The following TMEM117 variants were observed in gnomAD, a reference collection of about 807,000 sequenced individuals.
TMEM117 encodes transmembrane protein 117.
Under a neutral mutation model 52.4 loss-of-function variants are expected in TMEM117, and 27 were observed. That is an observed-to-expected ratio of 0.51 (90% CI 0.38 to 0.71). The LOEUF (loss-of-function observed/expected upper bound fraction) is 0.71. TMEM117 is among the 30% of genes least tolerant of loss of function. TMEM117 has a pLI of 0.00. For synonymous variants in TMEM117, 215 were observed against 206.3 expected, an observed-to-expected ratio of 1.04 and a Z score of -0.36; for missense variants, 556 against 630.5, an observed-to-expected ratio of 0.88 and a Z score of 1.26.
At chr12:44,182,731 A>G (rs564571073) in intron 4 of TMEM117, among the ~76,000 whole-genome samples, 2 of 152,278 alleles carry the variant, frequency 1.3e-5, no homozygotes, top group South Asian at 2.1e-4. Flanking sequence ...TGCCATATCT[A>G]GAGTTAACCT....
At position 44,370,225 on chromosome 12, in the gene TMEM117, A is replaced by T. The variant is rs542698963; in HGVS notation, c.769-6370A>T. On this transcript the variant is annotated intron_variant, in intron 6 of 7. Coordinates refer to ENST00000266534, the MANE Select transcript of TMEM117 (RefSeq NM_032256.3). The stretch of plus-strand genomic sequence containing the variant: ...AACATTTTTAATCAACTCTCCAAAC[A>T]TTTACTGCCTCTTCTCACAATATTT... 9.2e-5 allele frequency among the ~76,000 whole-genome samples: 14 copies of T among 152,240 alleles called. No homozygotes were observed. The South Asian group carries it at 2.7e-3, about 29-fold the overall frequency.
intron 2 of TMEM117, among the ~76,000 whole-genome samples, chr12:43,936,402 A>G (rs1272454211): frequency 6.6e-6 from 1 of 152,144 alleles, no homozygotes; most frequent in African/African-American, 2.4e-5. Flanking sequence ...GTTTTTGTCT[A>G]CTGAGTTTGA....
At chr12:44,003,701 A>G (rs573370526) in intron 3 of TMEM117, among the ~76,000 whole-genome samples, 5 of 152,296 alleles carry the variant, frequency 3.3e-5, no homozygotes, top group East Asian at 3.9e-4. Flanking sequence ...CAGAAAGGCA[A>G]TGGAGTTTAT....
At chr12:44,308,813 G>A (rs1372210137) in intron 6 of TMEM117, among the ~76,000 whole-genome samples, 1 of 152,088 alleles carries the variant, frequency 6.6e-6, no homozygotes, top group Non-Finnish European at 1.5e-5. Flanking sequence ...TAGAGACGGG[G>A]TTTCACCGTG....
At chr12:43,924,424 T>C (rs1944744840) in intron 2 of TMEM117, among the ~76,000 whole-genome samples, 1 of 152,160 alleles carries the variant, frequency 6.6e-6, no homozygotes, top group Admixed American at 6.5e-5. Flanking sequence ...TAAGAAAATA[T>C]GATACATTAT....
intron 2 of TMEM117, among the ~76,000 whole-genome samples, chr12:43,889,751 A>G (rs982044303): frequency 4.6e-5 from 7 of 152,336 alleles, no homozygotes; most frequent in Admixed American, 3.9e-4. Flanking sequence ...AAAGCAAGAC[A>G]TAGATTTTGT....
At chr12:44,231,659 C>A (rs1949934637) in intron 5 of TMEM117, among the ~76,000 whole-genome samples, 1 of 151,706 alleles carries the variant, frequency 6.6e-6, no homozygotes, top group Admixed American at 6.6e-5. Context: ...TTTAGCCAAT[C>A]CGGTGGTTGT....
At chr12:43,857,436 GCTA>G (rs1943420344) in intron 2 of TMEM117, among the ~76,000 whole-genome samples, 1 of 151,782 alleles carries the variant, frequency 6.6e-6, no homozygotes, top group Admixed American at 6.6e-5. Context: ...GGGAGGTAAT[GCTA>G]GAAGTTTTTC....
the TMEM117 span, among the ~76,000 whole-genome samples, chr12:43,830,671 G>C: frequency 2.6e-5 from 4 of 151,828 alleles, no homozygotes; most frequent in African/African-American, 9.7e-5. Context: ...CATTTATAGG[G>C]TTAAGCCAAG....
At chr12:44,292,810 G>A (rs533929899) in intron 5 of TMEM117, among the ~76,000 whole-genome samples, 5 of 151,956 alleles carry the variant, frequency 3.3e-5, no homozygotes, top group African/African-American at 1.2e-4. Flanking sequence ...ATACTATTGT[G>A]GTCAGAAAAG....
intron 4 of TMEM117, among the ~76,000 whole-genome samples, chr12:44,166,087 A>G (rs560391589): frequency 6.6e-6 from 1 of 152,344 alleles, no homozygotes; most frequent in African/African-American, 2.4e-5. Flanking sequence ...AACTGTACAA[A>G]TACAAGGAAA....
intron 3 of TMEM117, among the ~76,000 whole-genome samples, chr12:43,982,633 C>T (rs1009769891): frequency 6.6e-6 from 1 of 152,106 alleles, no homozygotes; most frequent in African/African-American, 2.4e-5. Flanking sequence ...GGGAGAAGAC[C>T]TTCTTTTCCT....
At chr12:44,278,466 C>T (rs1950541254) in intron 5 of TMEM117, among the ~76,000 whole-genome samples, 1 of 152,170 alleles carries the variant, frequency 6.6e-6, no homozygotes, top group South Asian at 2.1e-4. Flanking sequence ...TCCTTTCAAA[C>T]ATATTTTATA....
intron 6 of TMEM117, among the ~76,000 whole-genome samples, chr12:44,328,492 C>G (rs1951224849): frequency 6.6e-6 from 1 of 152,104 alleles, no homozygotes; most frequent in Admixed American, 6.6e-5. Flanking sequence ...AAACTGCTAG[C>G]TTTTATAGTT....
intron 3 of TMEM117, among the ~76,000 whole-genome samples, chr12:43,996,070 A>G (rs750374537): frequency 3.9e-5 from 6 of 152,206 alleles, no homozygotes; most frequent in Non-Finnish European, 8.8e-5. Flanking sequence ...AAAAAAAATG[A>G]CAACAGAAAT....
At chr12:43,883,903 G>A (rs1477175796) in intron 2 of TMEM117, among the ~76,000 whole-genome samples, 1 of 152,122 alleles carries the variant, frequency 6.6e-6, no homozygotes, top group Non-Finnish European at 1.5e-5. Context: ...TTGGGAGGCT[G>A]AGGTCAGAGG....
At chr12:43,806,529 G>T in the TMEM117 span, among the ~76,000 whole-genome samples, 3 of 152,094 alleles carry the variant, frequency 2.0e-5, no homozygotes, top group Admixed American at 6.5e-5. Flanking sequence ...TTCCGGGGGG[G>T]ACATGCCGCA....
chr12:43,909,642 T>TA, intron 2 of TMEM117, among the ~76,000 whole-genome samples: 1 of 151,910 alleles, frequency 6.6e-6, no homozygotes, highest in South Asian at 2.1e-4. Context: ...ATAGATGCAA[T>TA]AAAAAATGAT....
intron 2 of TMEM117, among the ~76,000 whole-genome samples, chr12:43,925,485 G>A (rs1944764421): frequency 6.6e-6 from 1 of 151,882 alleles, no homozygotes; most frequent in Non-Finnish European, 1.5e-5. Flanking sequence ...ATTCTGTTCT[G>A]TGCCCTCTAT....
Sources: allele counts gnomAD v4.1 joint callset (sites outside exome capture counted in the v4.1 genomes callset), GRCh38; gene constraint gnomAD v4.1.1; transcripts MANE v1.5; gene names NCBI Gene and HGNC (gene_info 2026-07-23, HGNC 2026-07-21).